Variants in SYNE3 observed in about 807,000 individuals in gnomAD.
SYNE3 encodes the protein nesprin-3.
A neutral mutation model predicts 111.2 loss-of-function variants in SYNE3; 100 were observed. The ratio of observed to expected loss-of-function variants is 0.90; its 90% CI spans 0.77 to 1.06. SYNE3 has a LOEUF of 1.06. Among genes scored for constraint, SYNE3 ranks in the 50% least tolerant of loss-of-function variants. The pLI is 0.00. For missense variants in SYNE3, 1,160 were observed against 1,240.3 expected (o/e 0.94, Z 0.97); for synonymous variants, 547 against 533.9 (o/e 1.02, Z -0.34).
At chr14:95,434,258 C>T (rs1400421808) in intron 15 of SYNE3, among the ~76,000 whole-genome samples, 3 of 152,158 alleles carry the variant, frequency 2.0e-5, no homozygotes, top group African/African-American at 4.8e-5. Flanking sequence ...CGGGCCACAA[C>T]TTGGGAAAGA....
chr14:95,476,803 C>T (rs1302337893), intron 1 of SYNE3, among the ~76,000 whole-genome samples: 1 of 152,114 alleles, frequency 6.6e-6, no homozygotes, highest in African/African-American at 2.4e-5. Flanking sequence ...TTAAATGAGC[C>T]CAGAATGGGT....
intron 8 of SYNE3, 60 bp from the exon 9 acceptor site, chr14:95,446,151 G>A (rs1595199386): frequency 6.9e-6 from 11 of 1,587,548 alleles, no homozygotes; most frequent in Non-Finnish European, 1.7e-6. Flanking sequence ...CAGAAACAGA[G>A]CCAGGGGCAC....
chr14:95,462,111 T>A (rs187706479), intron 4 of SYNE3, among the ~76,000 whole-genome samples: 55 of 152,306 alleles, frequency 3.6e-4, no homozygotes, highest in African/African-American at 1.2e-3. Context: ...GAAAGCTCCA[T>A]CCATAGAATC....
intron 1 of SYNE3, among the ~76,000 whole-genome samples, chr14:95,498,283 C>G (rs532842343): frequency 2.0e-3 from 306 of 152,238 alleles, no homozygotes; most frequent in Middle Eastern, 6.8e-3. Flanking sequence ...CTCCACCTAC[C>G]GGGTTCAAGC....
chr14:95,425,205 C>A (rs984535818), intron 17 of SYNE3, among the ~76,000 whole-genome samples: 1 of 151,208 alleles, frequency 6.6e-6, no homozygotes, highest in Non-Finnish European at 1.5e-5. Context: ...GAGATTGCAC[C>A]ACTGCACTCC....
intron 1 of SYNE3, among the ~76,000 whole-genome samples, chr14:95,499,114 T>C (rs1289669615): frequency 2.0e-5 from 3 of 152,182 alleles, no homozygotes; most frequent in Non-Finnish European, 4.4e-5. Context: ...GCCTGGGCCC[T>C]TGACTGGCAG....
rs2139491384 is a variant in SYNE3, at chr14:95,470,421, A to G, written c.145-2454T>C. On this transcript the variant is annotated intron_variant, in intron 2 of 17. Transcript: ENST00000682763. This position sits in a 1 kb window ranked among gnomAD's most constrained non-coding sequence, Gnocchi z 4.2. ...CCAAGGCAGGAGGATCGCTGAGGCC[A>G]GGAGTATGCAACCACTCTGGGCAAG... Among the ~76,000 whole-genome samples, 1 of 152,142 alleles carries G rather than the reference A, an allele frequency of 6.6e-6. No homozygotes were observed. Among genetic ancestry groups the G allele is most frequent in the Admixed American group, 6.6e-5 (1 of 15,262 alleles).
rs979751028 is a variant in SYNE3, at chr14:95,488,523, G to T, written c.-14-12688C>A. On this transcript the variant is annotated intron_variant, in intron 1 of 17. Transcript: ENST00000682763. ...GTGGAATGGCTGGATCACATGGTAG[G>T]TGTATATTTAAGAAACTGCCAAGGC... 3.9e-5 allele frequency among the ~76,000 whole-genome samples: 6 copies of T among 152,202 alleles called. 1 individual carries two copies. The highest frequency in any genetic ancestry group is 3.9e-4 in the East Asian group (2 of 5,180).
intron 8 of SYNE3, among the ~76,000 whole-genome samples, 198 bp from the exon 9 acceptor site, chr14:95,446,289 C>A (rs926720939): frequency 6.6e-6 from 1 of 152,214 alleles, no homozygotes; most frequent in African/African-American, 2.4e-5. Flanking sequence ...TCGGGGTCAA[C>A]TTTGATTCCT....
At chr14:95,444,786 G>T (rs8007583) in intron 9 of SYNE3, among the ~76,000 whole-genome samples, 158 bp from the exon 10 acceptor site, 38,398 of 152,126 alleles carry the variant, frequency 0.25, 5,454 homozygotes, top group Admixed American at 0.39. Flanking sequence ...CCCTGATGGA[G>T]TTGGGTGCCT....
At chr14:95,435,328 T>C (rs996768305) in intron 15 of SYNE3, among the ~76,000 whole-genome samples, 1 of 151,436 alleles carries the variant, frequency 6.6e-6, no homozygotes, top group Non-Finnish European at 1.5e-5. Context: ...ACAACCAAAG[T>C]TAAGAACTCA....
chr14:95,499,715 G>A (rs1157737990), intron 1 of SYNE3, among the ~76,000 whole-genome samples: 1 of 152,110 alleles, frequency 6.6e-6, no homozygotes, highest in Non-Finnish European at 1.5e-5. Context: ...AGGTCACACA[G>A]CAAGCAATCC....
At chr14:95,449,889 T>C (rs1320341824) in intron 8 of SYNE3, 42 bp downstream of exon 8, 2 of 1,536,774 alleles carry the variant, frequency 1.3e-6, no homozygotes, top group Non-Finnish European at 8.8e-7. Flanking sequence ...GCCCCGCCAG[T>C]GGCCCACCCC....
At chr14:95,436,074 AAGTAGTAGTTC>A (rs79513628) in intron 15 of SYNE3, among the ~76,000 whole-genome samples, 2,293 of 152,224 alleles carry the variant, frequency 0.015, 29 homozygotes, top group South Asian at 0.026. Flanking sequence ...GACAGGAGAG[AAGTAGTAGTTC>A]AGTTGCAAAA....
Position 95,416,948 on chromosome 14 carries a change from A to C in SYNE3, c.*878T>G, listed in dbSNP as rs953916610. ...GAGTGTGCCTCACCATTCTGCATGG[A>C]AATCTTAAAAATCAAGCTTGTCTTC... On this transcript the variant is annotated 3_prime_UTR_variant, in exon 18 of 18. Coordinates refer to ENST00000682763, the MANE Select transcript of SYNE3 (RefSeq NM_152592.6). 6.6e-6 allele frequency: 1 copy of C among 152,148 alleles called. No homozygotes were observed. The highest frequency in any genetic ancestry group is 1.5e-5 in the Non-Finnish European group (1 of 68,052). The allele number at this position is 152,148 out of a possible 1,614,324, so 9.4% of individuals were successfully genotyped here. A position where few individuals can be genotyped will look rare whatever the true frequency, so the allele number is the denominator to read the frequency against.
chr14:95,433,144 G>A, intron 16 of SYNE3, 116 bp downstream of exon 16: 1 of 1,424,590 alleles, frequency 7.0e-7, no homozygotes, highest in Non-Finnish European at 9.4e-7. Context: ...CCACTGTCTG[G>A]TGTGTGAATG....
chr14:95,419,025 C>G (rs1360016908), intron 17 of SYNE3, among the ~76,000 whole-genome samples: 1 of 152,196 alleles, frequency 6.6e-6, no homozygotes, highest in Non-Finnish European at 1.5e-5. Context: ...GTTAGTCTCA[C>G]AAGTCCAAAT....
intron 8 of SYNE3, among the ~76,000 whole-genome samples, chr14:95,448,842 G>A (rs551526460): frequency 2.6e-5 from 4 of 152,182 alleles, no homozygotes; most frequent in Non-Finnish European, 5.9e-5. Flanking sequence ...GGTTCTCCTC[G>A]GTCATACCAA....
intron 15 of SYNE3, among the ~76,000 whole-genome samples, chr14:95,435,444 T>C (rs926380743): frequency 3.9e-5 from 6 of 152,006 alleles, no homozygotes; most frequent in African/African-American, 1.4e-4. Flanking sequence ...GAGAAAAGGA[T>C]GAAAAATACA....
Sources: gnomAD v4.1 joint callset for allele counts (sites outside exome capture counted in the v4.1 genomes callset) on GRCh38, gnomAD v4.1.1 for gene constraint, Gnocchi (gnomAD v3.1) non-coding constraint, MANE v1.5 for transcripts, NCBI Gene and HGNC (gene_info 2026-07-23, HGNC 2026-07-21) for gene names.